The following AAGAB variants were observed in gnomAD, a reference collection of about 807,000 sequenced individuals.
AAGAB encodes alpha and gamma adaptin binding protein, also known as alpha- and gamma-adaptin-binding protein p34.
AAGAB carries 38 observed loss-of-function variants against 44.1 expected under a neutral mutation model. That is an observed-to-expected ratio of 0.86 (90% CI 0.67 to 1.13). The LOEUF is 1.13. Ranked by LOEUF, AAGAB falls within the 50% of genes most tolerant of loss-of-function variation. AAGAB has a pLI of 0.00. For missense variants in AAGAB, 450 were observed against 373.8 expected (o/e 1.20, Z -1.68); for synonymous variants, 131 against 131.8 (o/e 0.99, Z 0.04).
Position 67,201,177 on chromosome 15 carries a change from C to CA in AAGAB, c.*1643_*1644insT, listed in dbSNP as rs1480996213. 1 of 139,584 alleles carries CA rather than the reference C, an allele frequency of 7.2e-6. No homozygotes were observed. The highest frequency in any genetic ancestry group is 2.6e-5 in the African/African-American group (1 of 38,206). 8.6% of individuals were successfully genotyped at this position (139,584 alleles called of 1,614,324 possible). On this transcript the variant is annotated 3_prime_UTR_variant, in exon 10 of 10. Coordinates refer to ENST00000261880, the MANE Select transcript of AAGAB (RefSeq NM_024666.5). Reference sequence around the variant, plus strand: ...ATCTTTTAAGGAAAACATGTTCCACCTTTTTTTTTTTTTTGCAATCCCAGA... The same window carrying CA: ...ATCTTTTAAGGAAAACATGTTCCACCATTTTTTTTTTTTTTGCAATCCCAGA...
intron 5 of AAGAB, among the ~76,000 whole-genome samples, chr15:67,214,951 T>TA (rs1200077091): frequency 2.0e-5 from 3 of 151,384 alleles, no homozygotes; most frequent in Admixed American, 2.0e-4. Flanking sequence ...TCCTTACTTT[T>TA]AAGTAAGGAC....
chr15:67,229,784 T>G (rs965757560), intron 5 of AAGAB, among the ~76,000 whole-genome samples: 1 of 152,068 alleles, frequency 6.6e-6, no homozygotes, highest in Non-Finnish European at 1.5e-5. Flanking sequence ...ACCGGTCTTC[T>G]ACTTGACCTT....
At chr15:67,204,836 C>T (rs1427847232) in intron 7 of AAGAB, among the ~76,000 whole-genome samples, 1 of 152,220 alleles carries the variant, frequency 6.6e-6, no homozygotes, top group East Asian at 1.9e-4. Flanking sequence ...GTCTTCCCTG[C>T]CCATCCCACT....
In AAGAB at chr15:67,202,169, A is replaced by G; in HGVS notation, c.*652T>C. On this transcript the variant is annotated 3_prime_UTR_variant, in exon 10 of 10. Transcript: ENST00000261880. The stretch of plus-strand genomic sequence containing the variant: ...GTAGAGAGGTTTTCTTCCCACTGGA[A>G]TAGAAATCCTTTGCCTCATTTATTA... The G allele has an allele frequency of 6.6e-6, 1 of 152,536 alleles. No homozygotes were observed. The highest frequency in any genetic ancestry group is 1.9e-4 in the East Asian group (1 of 5,334). The allele number at this position is 152,536 out of a possible 1,614,324, so 9.4% of individuals were successfully genotyped here.
At chr15:67,226,544 T>A (rs947756044) in intron 5 of AAGAB, among the ~76,000 whole-genome samples, 1 of 152,224 alleles carries the variant, frequency 6.6e-6, no homozygotes. Flanking sequence ...GAGTTCTTTA[T>A]ATATTCTAGA....
intron 5 of AAGAB, among the ~76,000 whole-genome samples, chr15:67,216,127 T>G (rs1209798208): frequency 6.6e-6 from 1 of 151,704 alleles, no homozygotes; most frequent in Non-Finnish European, 1.5e-5. Context: ...TGTAGAAAAT[T>G]TGGAAAAAAG....
intron 7 of AAGAB, among the ~76,000 whole-genome samples, 171 bp downstream of exon 7, chr15:67,208,391 C>T (rs994288733): frequency 6.6e-6 from 1 of 152,266 alleles, no homozygotes. Flanking sequence ...TATATTTATT[C>T]TTCTTCCTTT....
intron 1 of AAGAB, among the ~76,000 whole-genome samples, chr15:67,242,573 G>A (rs887149562): frequency 6.6e-6 from 1 of 151,978 alleles, no homozygotes; most frequent in African/African-American, 2.4e-5. Flanking sequence ...TGCAGTAGTT[G>A]TGAAAAGGTT....
chr15:67,207,478 T>A (rs1167900051), intron 7 of AAGAB, among the ~76,000 whole-genome samples: 1 of 152,238 alleles, frequency 6.6e-6, no homozygotes, highest in Admixed American at 6.5e-5. Flanking sequence ...ATTTGTAACC[T>A]TTTTCCTCTG....
At position 67,202,537 on chromosome 15, in the gene AAGAB, A is replaced by T. The variant is rs545929890; in HGVS notation, c.*284T>A. The T allele has an allele frequency of 1.4e-4, 50 of 354,988 alleles. No homozygotes were observed. Among genetic ancestry groups the T allele is most frequent in the African/African-American group, 9.7e-4 (47 of 48,648 alleles). The allele number at this position is 354,988 out of a possible 1,614,324, so 22.0% of individuals were successfully genotyped here. ...TCTTCAACTTGAGTAAATCACACAG[A>T]CCTCTGAGATTTATCCTACCCTCAT... On this transcript the variant is annotated 3_prime_UTR_variant, in exon 10 of 10. Coordinates refer to ENST00000261880, the MANE Select transcript of AAGAB (RefSeq NM_024666.5).
At chr15:67,246,391 CAAA>C (rs59205947) in intron 1 of AAGAB, among the ~76,000 whole-genome samples, 4 of 109,788 alleles carry the variant, frequency 3.6e-5, no homozygotes, top group Non-Finnish European at 4.0e-5. Flanking sequence ...GATCCTGTCT[CAAA>C]AAAAAAAAAA....
At chr15:67,245,661 C>G (rs1035982371) in intron 1 of AAGAB, among the ~76,000 whole-genome samples, 4 of 152,206 alleles carry the variant, frequency 2.6e-5, no homozygotes, top group Admixed American at 2.6e-4. Flanking sequence ...CTGGGAGATA[C>G]TGACCCCATT....
chr15:67,247,646 G>A (rs1964758932), intron 1 of AAGAB, among the ~76,000 whole-genome samples: 1 of 152,076 alleles, frequency 6.6e-6, no homozygotes, highest in South Asian at 2.1e-4. Context: ...TTAATGAAAG[G>A]ACACCTTATA....
chr15:67,254,562 G>A lies in AAGAB; in HGVS notation c.70C>T (p.Gln24Ter). The A allele has an allele frequency of 6.2e-7, 1 of 1,608,158 alleles. No individual in the cohort carries two copies. The highest frequency in any genetic ancestry group is 1.1e-5 in the South Asian group (1 of 90,090). ...GCCCAGGCGCCTATCTACTCACGTT[G>A]GACCAGCTGGTCTCCTGAGAAGACG... is the stretch of plus-strand genomic sequence containing the variant. The part of the protein sequence containing the change: ...SSVFSGDQLV[Q>*]HILGTEDLIV... The change falls in exon 1 of 10, where the codon CAA (glutamine) becomes TAA (stop). Residue 24 changes from glutamine (Q) to a stop codon, truncating the protein, a stop_gained. Coordinates refer to ENST00000261880, the MANE Select transcript of AAGAB (RefSeq NM_024666.5). LOFTEE classifies it high-confidence loss of function.
chr15:67,254,929 C>A (rs777735907), upstream of AAGAB: 1 of 1,613,746 alleles, frequency 6.2e-7, no homozygotes, highest in Non-Finnish European at 8.5e-7. Context: ...ACGACCCTGT[C>A]GGATCCATCT....
chr15:67,238,363 T>C (rs1186925411), intron 1 of AAGAB, among the ~76,000 whole-genome samples: 1 of 152,238 alleles, frequency 6.6e-6, no homozygotes, highest in Non-Finnish European at 1.5e-5. Flanking sequence ...CCAGCTGCTA[T>C]GTCCCTTATG....
chr15:67,213,483 C>G (rs1261913905), intron 5 of AAGAB, among the ~76,000 whole-genome samples: 1 of 152,066 alleles, frequency 6.6e-6, no homozygotes, highest in Non-Finnish European at 1.5e-5. Flanking sequence ...TTACATGAAA[C>G]ATTTAGAGAA....
rs1048971355 is a variant in AAGAB, at chr15:67,248,869, A to T, written c.73+5690T>A. Reference sequence around the variant, plus strand: ...GGGTAAATGCATGTGAATTTCAAACACAAAAGGTTAAATTTTCTACTCCAT... The same window carrying T: ...GGGTAAATGCATGTGAATTTCAAACTCAAAAGGTTAAATTTTCTACTCCAT... On this transcript the variant is annotated intron_variant, in intron 1 of 9. Coordinates refer to ENST00000261880, the MANE Select transcript of AAGAB (RefSeq NM_024666.5). Among the ~76,000 whole-genome samples the T allele has an allele frequency of 3.4e-4, 51 of 152,218 alleles. 1 individual carries two copies. The highest frequency in any genetic ancestry group is 5.9e-5 in the Non-Finnish European group (4 of 68,038).
At chr15:67,229,102 A>G (rs1964271728) in intron 5 of AAGAB, among the ~76,000 whole-genome samples, 1 of 152,092 alleles carries the variant, frequency 6.6e-6, no homozygotes, top group Non-Finnish European at 1.5e-5. Context: ...CAATTTACCC[A>G]TGTAACAAAC....
Sources: allele counts gnomAD v4.1 joint callset (sites outside exome capture counted in the v4.1 genomes callset), GRCh38; gene constraint gnomAD v4.1.1; transcripts MANE v1.5; gene names NCBI Gene and HGNC (gene_info 2026-07-23, HGNC 2026-07-21).